The following CECR2 variants were observed in gnomAD, a reference collection of about 807,000 sequenced individuals.
The protein encoded by CECR2 is CECR2 histone acetyl-lysine reader, also known as chromatin remodeling regulator CECR2.
A neutral mutation model predicts 154.5 loss-of-function variants in CECR2; 30 were observed. The observed-to-expected ratio is 0.19, with a 90% confidence interval of 0.15 to 0.26. CECR2 has a LOEUF of 0.26. Among genes scored for constraint, CECR2 ranks in the 10% least tolerant of loss-of-function variants. The pLI is 1.00. For missense variants in CECR2, 1,743 were observed against 1,829.3 expected, an observed-to-expected ratio of 0.95 and a Z score of 0.86; for synonymous variants, 725 against 683.7, an observed-to-expected ratio of 1.06 and a Z score of -0.94.
rs778651502 is a variant in CECR2, at chr22:17,548,421, C to T, written c.3134C>T (p.Thr1045Met). The T allele has an allele frequency of 2.1e-5, 34 of 1,613,804 alleles. No individual in the cohort carries two copies. Among genetic ancestry groups the T allele is most frequent in the African/African-American group, 1.2e-4 (9 of 74,932 alleles). ...CAAGGGTGCGTGAGAGACCTCTCCA[C>T]GGTGGCAGACAGGGGCGCTCTATCC... Reference protein sequence around the residue: ...AAQGCVRDLSTVADRGALSEN... With the variant: ...AAQGCVRDLSMVADRGALSEN... The change falls in exon 17 of 19, where the codon ACG becomes ATG. Residue 1045 changes from threonine to methionine, a missense_variant. Transcript: ENST00000262608.
At chr22:17,370,268 G>A (rs2063039614) in intron 1 of CECR2, among the ~76,000 whole-genome samples, 1 of 148,460 alleles carries the variant, frequency 6.7e-6, no homozygotes, top group Non-Finnish European at 1.5e-5. Context: ...GCGCGCGCTC[G>A]CCGCCCGGTG....
chr22:17,367,920 A>C (rs1466029296), upstream of CECR2, among the ~76,000 whole-genome samples: 1 of 152,194 alleles, frequency 6.6e-6, no homozygotes, highest in African/African-American at 2.4e-5. Context: ...TTTGCCAAAC[A>C]TTAAATAAAA....
chr22:17,417,101 A>G (rs2054167763), intron 1 of CECR2, among the ~76,000 whole-genome samples: 1 of 151,278 alleles, frequency 6.6e-6, no homozygotes, highest in Non-Finnish European at 1.5e-5. Context: ...TAGATGTTTT[A>G]CCCTCGTTAA....
chr22:17,462,273 G>A (rs1018190351), intron 1 of CECR2, among the ~76,000 whole-genome samples: 5 of 151,850 alleles, frequency 3.3e-5, no homozygotes, highest in South Asian at 2.1e-4. Context: ...GCATGGTGGC[G>A]GGCGCCTGTA....
chr22:17,541,803 C>T (rs779689588), intron 14 of CECR2, 36 bp from the exon 15 acceptor site: 2 of 1,578,856 alleles, frequency 1.3e-6, no homozygotes, highest in Non-Finnish European at 1.7e-6. Flanking sequence ...TGTGCCTTTC[C>T]TTTTTCCTCT....
At chr22:17,408,121 T>G (rs1475180663) in intron 1 of CECR2, among the ~76,000 whole-genome samples, 1 of 152,210 alleles carries the variant, frequency 6.6e-6, no homozygotes, top group African/African-American at 2.4e-5. Context: ...TTTAGTGAAT[T>G]CAATATGTTG....
chr22:17,398,504 A>C (rs1433982208), intron 1 of CECR2, among the ~76,000 whole-genome samples: 2 of 152,194 alleles, frequency 1.3e-5, no homozygotes, highest in Non-Finnish European at 2.9e-5. Flanking sequence ...TCTGGGAGAA[A>C]ATAACAGGAA....
chr22:17,360,311 G>A (rs1021696917), intron 1 of CECR2, among the ~76,000 whole-genome samples: 1 of 152,230 alleles, frequency 6.6e-6, no homozygotes, highest in Non-Finnish European at 1.5e-5. Flanking sequence ...GACACAGCAA[G>A]CTATGATTGC....
At chr22:17,517,611 G>A (rs895373705) in intron 8 of CECR2, among the ~76,000 whole-genome samples, 4 of 152,088 alleles carry the variant, frequency 2.6e-5, no homozygotes, top group South Asian at 2.1e-4. Flanking sequence ...TCTAATGGCC[G>A]GTTAAATACA....
chr22:17,482,193 G>A (rs1182937136), intron 2 of CECR2, among the ~76,000 whole-genome samples: 4 of 149,862 alleles, frequency 2.7e-5, no homozygotes, highest in African/African-American at 9.8e-5. Context: ...GGGAGGCTGA[G>A]GCAGGTGGAT....
intron 8 of CECR2, chr22:17,518,603 G>T: frequency 2.6e-6 from 1 of 392,004 alleles, no homozygotes; most frequent in Non-Finnish European, 5.1e-6. Context: ...TCTATCTTTA[G>T]GACGGATGGT....
upstream of CECR2, chr22:17,369,230 G>A (rs1415462548): frequency 2.0e-5 from 3 of 151,820 alleles, no homozygotes; most frequent in African/African-American, 7.3e-5. Context: ...GTCCTGGAGG[G>A]CGGAGGGCGC....
intron 9 of CECR2, among the ~76,000 whole-genome samples, chr22:17,531,313 C>T (rs1052638981): frequency 5.9e-5 from 9 of 152,220 alleles, no homozygotes; most frequent in African/African-American, 1.2e-4. Flanking sequence ...GGCAAACTCC[C>T]GCTGCCAAGT....
intron 1 of CECR2, among the ~76,000 whole-genome samples, chr22:17,375,722 C>T (rs140823262): frequency 8.9e-4 from 135 of 151,876 alleles, no homozygotes; most frequent in East Asian, 1.8e-3. Flanking sequence ...TTTGGGAGGC[C>T]GAGGCGGGCG....
chr22:17,490,282 A>C (rs1374967517), intron 2 of CECR2, among the ~76,000 whole-genome samples: 1 of 151,834 alleles, frequency 6.6e-6, no homozygotes, highest in South Asian at 2.1e-4. Flanking sequence ...TTGGATGTGT[A>C]GCGGTAGCTT....
chr22:17,478,201 C>T (rs1398973405), intron 2 of CECR2, among the ~76,000 whole-genome samples: 1 of 152,062 alleles, frequency 6.6e-6, no homozygotes, highest in East Asian at 1.9e-4. Context: ...ATACACGTTT[C>T]TTTGCTATGT....
At chr22:17,461,494 T>G (rs1213997063) in intron 1 of CECR2, among the ~76,000 whole-genome samples, 4 of 152,216 alleles carry the variant, frequency 2.6e-5, no homozygotes, top group African/African-American at 9.6e-5. Flanking sequence ...AGGACTCATT[T>G]AGAATTTACC....
chr22:17,548,544 C>T lies in CECR2; in HGVS notation c.3257C>T (p.Thr1086Met), dbSNP rs756767133. Reference protein sequence around the residue: ...SEKLLCPRGRTLQETMPCTGQ... With the variant: ...SEKLLCPRGRMLQETMPCTGQ... ...AAGCTGCTCTGCCCCAGAGGCAGAA[C>T]GTTGCAGGAAACCATGCCATGCACG... The change falls in exon 17 of 19, where the codon ACG becomes ATG. Residue 1086 changes from threonine (T) to methionine (M), a missense_variant. Physicochemically the swap from Thr to Met is moderately conservative, Grantham distance 81 (BLOSUM62 -1). Coordinates refer to ENST00000262608, the MANE Select transcript of CECR2 (RefSeq NM_001290047.2). 5.8e-5 allele frequency: 93 copies of T among 1,613,640 alleles called. 1 individual carries two copies. Among genetic ancestry groups the T allele is most frequent in the Non-Finnish European group, 7.2e-5 (85 of 1,179,804 alleles).
At chr22:17,419,019 G>C (rs1044341657) in intron 1 of CECR2, 3 of 169,164 alleles carry the variant, frequency 1.8e-5, no homozygotes, top group African/African-American at 7.2e-5. Context: ...CCGGGGCCCT[G>C]GCCAAGGGCA....
Sources: allele counts gnomAD v4.1 joint callset (sites outside exome capture counted in the v4.1 genomes callset), GRCh38; gene constraint gnomAD v4.1.1; transcripts MANE v1.5; gene names NCBI Gene and HGNC (gene_info 2026-07-23, HGNC 2026-07-21).